Variants in PYGB observed in about 807,000 individuals in gnomAD.
PYGB encodes glycogen phosphorylase B.
Under a neutral mutation model 94.3 loss-of-function variants are expected in PYGB, and 82 were observed. The observed-to-expected ratio is 0.87, with a 90% CI of 0.73 to 1.04. PYGB has a LOEUF of 1.04. PYGB is among the 50% of genes least tolerant of loss of function. PYGB has a pLI of 0.00. For synonymous variants in PYGB, 488 were observed against 479.1 expected (o/e 1.02, Z -0.24); for missense variants, 1,132 against 1,158.2 (o/e 0.98, Z 0.33).
chr20:25,248,491 G>C, intron 1 of PYGB, 70 bp downstream of exon 1: 1 of 1,290,634 alleles, frequency 7.7e-7, no homozygotes, highest in Non-Finnish European at 9.8e-7. Context: ...CGCGCCAGCG[G>C]GGGTCTCTGC....
At chr20:25,272,068 ATGG>A (rs2088272812) in intron 4 of PYGB, among the ~76,000 whole-genome samples, 1 of 152,142 alleles carries the variant, frequency 6.6e-6, no homozygotes, top group Non-Finnish European at 1.5e-5. Flanking sequence ...GGTTGAGACC[ATGG>A]CCGGGAGGAG....
chr20:25,296,704 G>C lies in PYGB; in HGVS notation c.*182G>C, dbSNP rs1394966221. The C allele has an allele frequency of 1.3e-6, 1 of 791,712 alleles. No homozygotes were observed. Among genetic ancestry groups the C allele is most frequent in the Non-Finnish European group, 1.9e-6 (1 of 519,006 alleles). 49.0% of individuals were successfully genotyped at this position (791,712 alleles called of 1,614,324 possible). On this transcript the variant is annotated 3_prime_UTR_variant, in exon 20 of 20. Coordinates refer to ENST00000216962, the MANE Select transcript of PYGB (RefSeq NM_002862.4). ...AGCAGGGTAAGGAAGGAATGTGCTA[G>C]AAGTGCTCCTAGTTTCTTGTAAAGG...
intron 5 of PYGB, 116 bp downstream of exon 5, chr20:25,274,839 G>A: frequency 6.9e-7 from 1 of 1,442,574 alleles, no homozygotes; most frequent in South Asian, 1.3e-5. Flanking sequence ...CTCCCTGGAG[G>A]ACTTAAGGTA....
At chr20:25,257,808 A>G (rs1420275075) in intron 1 of PYGB, among the ~76,000 whole-genome samples, 2 of 152,190 alleles carry the variant, frequency 1.3e-5, no homozygotes, top group African/African-American at 4.8e-5. Context: ...TGGGCTCAGT[A>G]TGATTTCGCA....
Position 25,259,238 on chromosome 20 carries a change from G to T in PYGB, c.245G>T (p.Arg82Leu). 6.3e-7 allele frequency: 1 copy of T among 1,588,144 alleles called. No homozygotes were observed. The highest frequency in any genetic ancestry group is 8.6e-7 in the Non-Finnish European group (1 of 1,156,506). The change falls in exon 2 of 20, where the codon CGC becomes CTC. Residue 82 changes from arginine (R) to leucine (L), a missense_variant and splice_region_variant. Arg to Leu is a moderately radical substitution (Grantham distance 102). Coordinates refer to ENST00000216962, the MANE Select transcript of PYGB (RefSeq NM_002862.4). ...QQHYYERDPK[R>L]IYYLSLEFYM... ...TTATTCTTTCTTCTGCTTCCTCAGCGCATTTATTATCTTTCCCTGGAATTC... is the reference window on the plus strand; with the variant it reads ...TTATTCTTTCTTCTGCTTCCTCAGCTCATTTATTATCTTTCCCTGGAATTC...
intron 18 of PYGB, among the ~76,000 whole-genome samples, chr20:25,295,224 G>C (rs1175167844): frequency 6.6e-6 from 1 of 152,246 alleles, no homozygotes; most frequent in Non-Finnish European, 1.5e-5. Flanking sequence ...TGGAGATGCC[G>C]TTCCCCAGCA....
intron 1 of PYGB, among the ~76,000 whole-genome samples, chr20:25,255,820 G>A (rs540609390): frequency 7.3e-5 from 11 of 151,510 alleles, no homozygotes; most frequent in Non-Finnish European, 1.6e-4. Flanking sequence ...TGCAACCTCC[G>A]CCTCCCGGGT....
chr20:25,248,529 C>T, intron 1 of PYGB, 108 bp downstream of exon 1: 3 of 1,220,104 alleles, frequency 2.5e-6, no homozygotes, highest in Non-Finnish European at 3.1e-6. Context: ...GTTACCTGCG[C>T]CCCTAGCCGG....
chr20:25,278,266 G>A (rs1420851431), intron 7 of PYGB, 53 bp from the exon 8 acceptor site: 33 of 433,684 alleles, frequency 7.6e-5, no homozygotes, highest in Non-Finnish European at 9.8e-5. Flanking sequence ...TGGGCTTCCT[G>A]GGGGAGGAGA....
intron 2 of PYGB, among the ~76,000 whole-genome samples, chr20:25,262,818 A>G (rs1270545181): frequency 6.6e-6 from 1 of 152,178 alleles, no homozygotes; most frequent in African/African-American, 2.4e-5. Flanking sequence ...TTGCAATCCT[A>G]GTCTCTGATA....
At chr20:25,251,892 A>G (rs1020710386) in intron 1 of PYGB, among the ~76,000 whole-genome samples, 7 of 152,150 alleles carry the variant, frequency 4.6e-5, no homozygotes, top group African/African-American at 1.7e-4. Context: ...GATAAACACA[A>G]TGAAATACGA....
chr20:25,280,530 G>A, intron 10 of PYGB, 118 bp downstream of exon 10: 1 of 1,378,456 alleles, frequency 7.3e-7, no homozygotes, highest in Admixed American at 2.0e-5. Context: ...CTGTTCAGCA[G>A]AGGATGCTTG....
rs1189743655 is a variant in PYGB, at chr20:25,296,590, C to CCAAA, written c.*71_*74dup. On this transcript the variant is annotated 3_prime_UTR_variant, in exon 20 of 20. Coordinates refer to ENST00000216962, the MANE Select transcript of PYGB (RefSeq NM_002862.4). The stretch of plus-strand genomic sequence containing the variant: ...GCTGACTTTGCACCTCCTTTTTTCC[C>CCAAA]CAAACACTTTGCCAGCCACTGGTGG... 23 of 1,539,840 alleles carry CCAAA rather than the reference C, an allele frequency of 1.5e-5. No homozygotes were observed. The highest frequency in any genetic ancestry group is 1.1e-4 in the East Asian group (5 of 44,292).
intron 9 of PYGB, among the ~76,000 whole-genome samples, 194 bp downstream of exon 9, chr20:25,279,343 T>C (rs370306316): frequency 1.3e-5 from 2 of 151,728 alleles, no homozygotes; most frequent in Admixed American, 1.3e-4. Context: ...GAGTATGGGG[T>C]CAGGGCGCGG....
intron 3 of PYGB, among the ~76,000 whole-genome samples, chr20:25,269,804 C>A (rs573116411): frequency 6.6e-6 from 1 of 152,318 alleles, no homozygotes; most frequent in African/African-American, 2.4e-5. Context: ...CATCTCATCT[C>A]CAAGCTGGAG....
intron 11 of PYGB, among the ~76,000 whole-genome samples, chr20:25,281,569 T>C (rs2088367412): frequency 6.6e-6 from 1 of 152,198 alleles, no homozygotes; most frequent in African/African-American, 2.4e-5. Flanking sequence ...CTACTGTGAG[T>C]ACTGAGCAGG....
intron 2 of PYGB, among the ~76,000 whole-genome samples, chr20:25,266,402 A>G (rs912416710): frequency 1.3e-5 from 2 of 152,178 alleles, no homozygotes; most frequent in East Asian, 1.9e-4. Context: ...TTAGCTCAAA[A>G]TGGCTCAAAG....
intron 5 of PYGB, among the ~76,000 whole-genome samples, chr20:25,275,235 G>C (rs1026278069): frequency 2.0e-5 from 3 of 152,254 alleles, no homozygotes; most frequent in Admixed American, 6.5e-5. Flanking sequence ...GTGACATCCG[G>C]GGATGGGGCC....
chr20:25,294,287 T>C lies in PYGB; in HGVS notation c.2307T>C (p.His769=). 5 of 1,370,146 alleles carry C rather than the reference T, an allele frequency of 3.6e-6. No individual in the cohort carries two copies. The highest frequency in any genetic ancestry group is 4.9e-6 in the Non-Finnish European group (5 of 1,028,402). The allele number at this position is 1,370,146 out of a possible 1,614,324, so 84.9% of individuals were successfully genotyped here. The change falls in exon 18 of 20, where the codon CAT becomes CAC. Residue 769 remains histidine (H), a synonymous_variant. Transcript: ENST00000216962. ...ACATCGTGAACATGCTGATGCACCA[T>C]GACAGGTGGGACCGACTTCCCTGGT... ...FKDIVNMLMH[H]DRFKVFADYE...
Sources: gnomAD v4.1 joint callset for allele counts (sites outside exome capture counted in the v4.1 genomes callset) on GRCh38, gnomAD v4.1.1 for gene constraint, MANE v1.5 for transcripts, NCBI Gene and HGNC (gene_info 2026-07-23, HGNC 2026-07-21) for gene names.